CCDC25: variants seen among roughly 807,000 people sequenced by gnomAD.
CCDC25 encodes coiled-coil domain containing 25.
Under a neutral mutation model 35.3 loss-of-function variants are expected in CCDC25, and 16 were observed. The ratio of observed to expected loss-of-function variants is 0.45; its 90% CI spans 0.31 to 0.69. CCDC25 has a LOEUF of 0.69. Among genes scored for constraint, CCDC25 ranks in the 30% least tolerant of loss-of-function variants. The pLI, the probability that CCDC25 is intolerant of heterozygous loss-of-function variation, is 0.06. For missense variants in CCDC25, 179 were observed against 250.7 expected, an observed-to-expected ratio of 0.71 and a Z score of 1.93; for synonymous variants, 79 against 80.3, an observed-to-expected ratio of 0.98 and a Z score of 0.09.
intron 7 of CCDC25, among the ~76,000 whole-genome samples, chr8:27,743,031 A>G (rs1223867754): frequency 2.0e-5 from 3 of 152,090 alleles, no homozygotes; most frequent in Admixed American, 6.5e-5. Context: ...TCTTCCCCCT[A>G]CCAAACCAGT....
chr8:27,754,871 T>C (rs4146307), intron 4 of CCDC25, among the ~76,000 whole-genome samples: 66,153 of 152,064 alleles, frequency 0.44, 14,646 homozygotes, highest in East Asian at 0.63. Flanking sequence ...TTTAGCTTAA[T>C]ATAAATACAG....
At chr8:27,770,740 CA>C (rs10706627) in intron 1 of CCDC25, among the ~76,000 whole-genome samples, 120,920 of 126,750 alleles carry the variant, frequency 0.95, 57,614 homozygotes, top group East Asian at 0.99. Flanking sequence ...ACTCCGTCTC[CA>C]AAAAAAAAAA....
rs1804672583 is a variant in CCDC25 at position 27,772,611 on chromosome 8, A to T, written c.-71T>A. The T allele has an allele frequency of 1.3e-6, 2 of 1,483,254 alleles. No homozygotes were observed. Among genetic ancestry groups the T allele is most frequent in the Non-Finnish European group, 1.8e-6 (2 of 1,091,458 alleles). The allele number at this position is 1,483,254 out of a possible 1,614,324, so 91.9% of individuals were successfully genotyped here. On this transcript the variant is annotated 5_prime_UTR_variant, in exon 1 of 9. Transcript: ENST00000356537. ...CAACTCACGAAGCTCAGGATACCAGACTCGCGGCGGCCGCCTGGCCCCCGG... is the reference window on the plus strand; with the variant it reads ...CAACTCACGAAGCTCAGGATACCAGTCTCGCGGCGGCCGCCTGGCCCCCGG...
intron 1 of CCDC25, among the ~76,000 whole-genome samples, chr8:27,771,759 T>C (rs1047461568): frequency 1.3e-5 from 2 of 152,102 alleles, no homozygotes; most frequent in African/African-American, 4.8e-5. Context: ...TAAGCAATCT[T>C]GGGGTAGGAG....
rs1188357550 is a variant in CCDC25 at position 27,748,213 on chromosome 8, C to T, written c.415G>A (p.Glu139Lys). The T allele has an allele frequency of 6.8e-6, 11 of 1,613,850 alleles. No homozygotes were observed. Among genetic ancestry groups the T allele is most frequent in the East Asian group, 2.2e-5 (1 of 44,894 alleles). The change falls in exon 7 of 9, where the codon GAG becomes AAG. Residue 139 changes from glutamate (E) to lysine (K), a missense_variant. Glu to Lys is a moderately conservative substitution (Grantham distance 56). Transcript: ENST00000356537. The part of the protein sequence containing the change: ...ILNRLEKTKV[E>K]RFPDLAAEKE... ...TCTGCTGCTAGGTCTGGGAACCGCTCGACTTTGGTCTTTTCTAATCGGTTC... is the reference window on the plus strand; with the variant it reads ...TCTGCTGCTAGGTCTGGGAACCGCTTGACTTTGGTCTTTTCTAATCGGTTC...
intron 4 of CCDC25, among the ~76,000 whole-genome samples, chr8:27,755,456 A>C (rs1803967940): frequency 6.6e-6 from 1 of 152,228 alleles, no homozygotes; most frequent in African/African-American, 2.4e-5. Context: ...ATAGGGGAAA[A>C]GAGACAAATG....
chr8:27,756,853 C>A, intron 3 of CCDC25, 83 bp from the exon 4 acceptor site: 2 of 985,370 alleles, frequency 2.0e-6, no homozygotes, highest in South Asian at 2.6e-5. Context: ...GCATTCTGTT[C>A]TAAAAAGTCT....
intron 1 of CCDC25, among the ~76,000 whole-genome samples, chr8:27,770,119 G>A (rs530994285): frequency 7.3e-4 from 111 of 152,252 alleles, no homozygotes; most frequent in African/African-American, 1.8e-3. Context: ...ACTCTAGCCC[G>A]AGTGACAGAG....
chr8:27,733,422 A>G lies in CCDC25; in HGVS notation c.*2794T>C, dbSNP rs566273928. Reference sequence around the variant, plus strand: ...TTCCCTTTTGAATGACAGAATGTGCATAAAAGTCTCTTGCCCACGCTGAAC... The same window carrying G: ...TTCCCTTTTGAATGACAGAATGTGCGTAAAAGTCTCTTGCCCACGCTGAAC... On this transcript the variant is annotated 3_prime_UTR_variant, in exon 9 of 9. Coordinates refer to ENST00000356537, the MANE Select transcript of CCDC25 (RefSeq NM_018246.3). 1.3e-5 allele frequency: 2 copies of G among 152,356 alleles called. No homozygotes were observed. Among genetic ancestry groups the G allele is most frequent in the South Asian group, 4.1e-4 (2 of 4,832 alleles). 9.4% of individuals were successfully genotyped at this position (152,356 alleles called of 1,614,324 possible).
intron 3 of CCDC25, among the ~76,000 whole-genome samples, chr8:27,757,641 ACTTT>A (rs2128943306): frequency 6.6e-6 from 1 of 152,272 alleles, no homozygotes; most frequent in African/African-American, 2.4e-5. Flanking sequence ...AATGAACTTG[ACTTT>A]CTCTTTCCAA....
Position 27,748,057 on chromosome 8 carries a change from A to G in CCDC25, c.551+20T>C, listed in dbSNP as rs1563447363. 1 of 1,608,442 alleles carries G rather than the reference A, an allele frequency of 6.2e-7. No individual in the cohort carries two copies. The highest frequency in any genetic ancestry group is 1.3e-5 in the African/African-American group (1 of 74,784). On this transcript the variant is annotated intron_variant, in intron 7 of 8. Transcript: ENST00000356537. ...GGAATAATCTTTGAGGTCAGTCTCA[A>G]TGCCACAGCTCCGACATACCTAAGT...
At chr8:27,765,696 T>C (rs1804378737) in intron 1 of CCDC25, among the ~76,000 whole-genome samples, 1 of 152,176 alleles carries the variant, frequency 6.6e-6, no homozygotes, top group African/African-American at 2.4e-5. Context: ...AAAGTTTTAT[T>C]GTGCATAATT....
At chr8:27,758,935 G>C (rs1054828661) in intron 3 of CCDC25, among the ~76,000 whole-genome samples, 7 of 152,020 alleles carry the variant, frequency 4.6e-5, no homozygotes, top group Admixed American at 6.6e-5. Context: ...GTATATGATA[G>C]ATACACCTCT....
chr8:27,758,470 G>C (rs1804095948), intron 3 of CCDC25, among the ~76,000 whole-genome samples: 1 of 152,144 alleles, frequency 6.6e-6, no homozygotes, highest in South Asian at 2.1e-4. Flanking sequence ...CATCTTATTT[G>C]ACTTACATTT....
chr8:27,749,698 G>A (rs142600368), intron 5 of CCDC25, among the ~76,000 whole-genome samples: 4 of 152,046 alleles, frequency 2.6e-5, no homozygotes, highest in East Asian at 3.9e-4. Context: ...AAACAGTAGC[G>A]GGACAAGTGG....
At chr8:27,765,095 A>T in intron 2 of CCDC25, 109 bp downstream of exon 2, 1 of 937,902 alleles carries the variant, frequency 1.1e-6, no homozygotes, top group Non-Finnish European at 1.6e-6. Context: ...TTATCAAAGT[A>T]GGTGAAAACT....
chr8:27,756,558 G>C, intron 4 of CCDC25, 161 bp downstream of exon 4: 1 of 598,308 alleles, frequency 1.7e-6, no homozygotes, highest in South Asian at 2.1e-5. Flanking sequence ...TAGAATGTTA[G>C]AGTGATTTTC....
intron 2 of CCDC25, among the ~76,000 whole-genome samples, chr8:27,763,913 G>C (rs1804312797): frequency 6.6e-6 from 1 of 152,110 alleles, no homozygotes; most frequent in South Asian, 2.1e-4. Flanking sequence ...GCTTTCTAAT[G>C]CTTTAAGTAG....
rs1337145190 is a variant in CCDC25, at chr8:27,762,420, A to G, written c.115T>C (p.Trp39Arg). 2 of 1,613,348 alleles carry G rather than the reference A, an allele frequency of 1.2e-6. No homozygotes were observed. The highest frequency in any genetic ancestry group is 2.7e-5 in the African/African-American group (2 of 75,022). The change falls in exon 3 of 9, where the codon TGG (tryptophan) becomes CGG (arginine). Residue 39 changes from tryptophan to arginine, a missense_variant and splice_region_variant. Coordinates refer to ENST00000356537, the MANE Select transcript of CCDC25 (RefSeq NM_018246.3). Reference sequence around the variant, plus strand: ...GGCAGAACCAAAATTGTTACTTACCAGATATCTTCAGGCCAGCCATGCTTG... The same window carrying G: ...GGCAGAACCAAAATTGTTACTTACCGGATATCTTCAGGCCAGCCATGCTTG... ...LIKHGWPEDI[W>R]FHVDKLSSAH...
Sources: gnomAD v4.1 joint callset for allele counts (sites outside exome capture counted in the v4.1 genomes callset) on GRCh38, gnomAD v4.1.1 for gene constraint, MANE v1.5 for transcripts, NCBI Gene and HGNC (gene_info 2026-07-23, HGNC 2026-07-21) for gene names.